The following INTS8 variants were observed in gnomAD, a reference collection of about 807,000 sequenced individuals.
INTS8 encodes protein kaonashi-1.
Under a neutral mutation model 138.9 loss-of-function variants are expected in INTS8, and 47 were observed. The ratio of observed to expected loss-of-function variants is 0.34; its 90% CI spans 0.27 to 0.43. INTS8 has a LOEUF of 0.43. Among genes scored for constraint, INTS8 ranks in the 20% least tolerant of loss-of-function variants. The probability of loss-of-function intolerance (pLI) is 1.00; values close to 1 mark genes in which losing one functional copy is unlikely to be tolerated. For missense variants in INTS8, 996 were observed against 1,173.0 expected, an observed-to-expected ratio of 0.85 and a Z score of 2.20; for synonymous variants, 392 against 400.9, an observed-to-expected ratio of 0.98 and a Z score of 0.27.
intron 7 of INTS8, among the ~76,000 whole-genome samples, chr8:94,837,631 C>T (rs1311313096): frequency 6.6e-6 from 1 of 151,636 alleles, no homozygotes; most frequent in African/African-American, 2.4e-5. Flanking sequence ...GCTCTTTGCT[C>T]GCTCCTTTAA....
chr8:94,843,769 A>G (rs182062362), intron 10 of INTS8, among the ~76,000 whole-genome samples: 211 of 152,258 alleles, frequency 1.4e-3, no homozygotes, highest in African/African-American at 4.9e-3. Flanking sequence ...TTACATACCT[A>G]GGGAATAATA....
chr8:94,866,748 G>T, intron 18 of INTS8: 1 of 184,616 alleles, frequency 5.4e-6, no homozygotes, highest in East Asian at 1.5e-4. Context: ...TTCATAATAG[G>T]GGCTAGATGT....
At chr8:94,841,629 A>T (rs779871817) in intron 9 of INTS8, 38 bp downstream of exon 9, 6 of 1,081,798 alleles carry the variant, frequency 5.5e-6, no homozygotes, top group African/African-American at 1.6e-5. Flanking sequence ...ATTTTTGAAT[A>T]AAACAGCAAG....
chr8:94,860,950 G>A (rs886659746), intron 16 of INTS8, among the ~76,000 whole-genome samples: 2 of 150,406 alleles, frequency 1.3e-5, no homozygotes, highest in South Asian at 4.2e-4. Flanking sequence ...CCAGCTACTC[G>A]GGAGGCTGAG....
chr8:94,860,752 G>A (rs1312335958), intron 16 of INTS8, among the ~76,000 whole-genome samples: 1 of 150,808 alleles, frequency 6.6e-6, no homozygotes, highest in East Asian at 2.0e-4. Context: ...CTTGTCTTTG[G>A]TAATACAAAG....
At chr8:94,878,998 A>G (rs1210978394) in intron 26 of INTS8, among the ~76,000 whole-genome samples, 2 of 152,088 alleles carry the variant, frequency 1.3e-5, no homozygotes, top group African/African-American at 4.8e-5. Flanking sequence ...CATTCTCCCT[A>G]GGTAATTTAA....
chr8:94,872,509 C>T (rs1816433682), intron 21 of INTS8, among the ~76,000 whole-genome samples: 1 of 152,228 alleles, frequency 6.6e-6, no homozygotes, highest in Admixed American at 6.5e-5. Context: ...GTTAGGATTA[C>T]AGGCGTGAGC....
At chr8:94,862,664 G>C (rs910894683) in intron 16 of INTS8, among the ~76,000 whole-genome samples, 3 of 152,196 alleles carry the variant, frequency 2.0e-5, no homozygotes, top group Non-Finnish European at 4.4e-5. Flanking sequence ...TTGTCACTTA[G>C]ATGTCTCTTC....
chr8:94,865,387 A>G (rs1480369455), intron 16 of INTS8, 119 bp from the exon 17 acceptor site: 6 of 746,422 alleles, frequency 8.0e-6, no homozygotes, highest in Non-Finnish European at 1.3e-5. Context: ...AGCATAAAAT[A>G]ACTGTGCTTA....
chr8:94,853,364 G>A (rs1237762827), intron 13 of INTS8, among the ~76,000 whole-genome samples: 1 of 152,162 alleles, frequency 6.6e-6, no homozygotes, highest in African/African-American at 2.4e-5. Context: ...TAGCATGATA[G>A]TTATGATAGG....
chr8:94,859,772 TAG>T (rs10561415), intron 16 of INTS8, 140 bp downstream of exon 16: 464,941 of 659,230 alleles, frequency 0.71, 165,503 homozygotes, highest in Middle Eastern at 0.77. Flanking sequence ...AGTTAAAGGA[TAG>T]AGTTTTTGAT....
intron 10 of INTS8, among the ~76,000 whole-genome samples, chr8:94,846,562 C>T (rs1815340844): frequency 6.6e-6 from 1 of 152,150 alleles, no homozygotes; most frequent in Non-Finnish European, 1.5e-5. Flanking sequence ...GTGTGAGCCA[C>T]CACACCCAGC....
intron 4 of INTS8, among the ~76,000 whole-genome samples, chr8:94,828,129 T>A (rs1253762485): frequency 6.8e-6 from 1 of 147,648 alleles, no homozygotes; most frequent in South Asian, 2.2e-4. Flanking sequence ...AGCCTCCACC[T>A]CCTGGGTTCA....
chr8:94,850,754 C>T (rs533181037), intron 12 of INTS8, among the ~76,000 whole-genome samples: 5 of 152,148 alleles, frequency 3.3e-5, no homozygotes, highest in African/African-American at 1.2e-4. Context: ...GATTTTCGTG[C>T]ATGTCAGTCT....
intron 2 of INTS8, among the ~76,000 whole-genome samples, chr8:94,826,065 GC>G (rs887191039): frequency 6.6e-6 from 1 of 152,054 alleles, no homozygotes; most frequent in Non-Finnish European, 1.5e-5. Flanking sequence ...AAATCACAGG[GC>G]CTTAAATATC....
In INTS8 at chr8:94,850,394, C is replaced by T. The variant is rs562187580; in HGVS notation, c.1507+303C>T. Among the ~76,000 whole-genome samples, 139 of 152,214 alleles carry T rather than the reference C, an allele frequency of 9.1e-4. 1 individual carries two copies. Among genetic ancestry groups the T allele is most frequent in the African/African-American group, 1.7e-3 (70 of 41,554 alleles). On this transcript the variant is annotated intron_variant, in intron 12 of 26. Coordinates refer to ENST00000523731, the MANE Select transcript of INTS8 (RefSeq NM_017864.4). ...TTGGGAGGCCAAGACGGGCGGATCA[C>T]GAGGTCAGCAGATAGAGACCATCCT...
chr8:94,839,634 A>G (rs1162784742), intron 8 of INTS8, among the ~76,000 whole-genome samples: 1 of 152,226 alleles, frequency 6.6e-6, no homozygotes, highest in African/African-American at 2.4e-5. Flanking sequence ...CTTGAAGTTT[A>G]ATTACCGACA....
chr8:94,859,748 G>A lies in INTS8; in HGVS notation c.2076+116G>A, dbSNP rs1043750169. On this transcript the variant is annotated intron_variant, in intron 16 of 26. Transcript: ENST00000523731. Reference sequence around the variant, plus strand: ...CTGTGATACAAATGATTGGACAAATGCTTGTTGATTTGTAGTTAAAGGATA... The same window carrying A: ...CTGTGATACAAATGATTGGACAAATACTTGTTGATTTGTAGTTAAAGGATA... The A allele has an allele frequency of 5.4e-5, 43 of 802,924 alleles. 1 individual carries two copies. In the Admixed American group the frequency reaches 1.1e-3, roughly 20 times the overall value. The allele number at this position is 802,924 out of a possible 1,614,324, so 49.7% of individuals were successfully genotyped here.
chr8:94,866,918 T>C, intron 18 of INTS8: 1 of 471,532 alleles, frequency 2.1e-6, no homozygotes, highest in Non-Finnish European at 3.8e-6. Flanking sequence ...AAGCCAAACA[T>C]TTATGCTAAT....
Sources: gnomAD v4.1 joint callset for allele counts (sites outside exome capture counted in the v4.1 genomes callset) on GRCh38, gnomAD v4.1.1 for gene constraint, MANE v1.5 for transcripts, NCBI Gene and HGNC (gene_info 2026-07-23, HGNC 2026-07-21) for gene names.